UGT2B4: variants seen among roughly 807,000 people sequenced by gnomAD.
UGT2B4 encodes the protein UDP glucuronosyltransferase family 2 member B4, also known as UDP-glucuronosyltransferase 2B4.
Under a neutral mutation model 49.8 loss-of-function variants are expected in UGT2B4, and 49 were observed. The ratio of observed to expected loss-of-function variants is 0.98; its 90% confidence interval spans 0.78 to 1.25. UGT2B4 has a LOEUF of 1.25. Among genes scored for constraint, UGT2B4 ranks in the 50% most tolerant of loss-of-function variants. The pLI is 0.00. For missense variants in UGT2B4, 729 were observed against 627.7 expected, an observed-to-expected ratio of 1.16 and a Z score of -1.73; for synonymous variants, 246 against 217.7, an observed-to-expected ratio of 1.13 and a Z score of -1.14.
At chr4:69,488,888 G>A (rs1727872770) in intron 3 of UGT2B4, among the ~76,000 whole-genome samples, 1 of 151,926 alleles carries the variant, frequency 6.6e-6, no homozygotes, top group South Asian at 2.1e-4. Context: ...TGACAGCCTA[G>A]GCCTTCCTTT....
intron 3 of UGT2B4, among the ~76,000 whole-genome samples, chr4:69,488,721 A>G (rs911494344): frequency 6.6e-6 from 1 of 151,816 alleles, no homozygotes; most frequent in Admixed American, 6.6e-5. Context: ...GCCACATTTT[A>G]TACTACACAG....
At chr4:69,524,599 GCAAAA>G (rs1728929732) in intron 1 of UGT2B4, among the ~76,000 whole-genome samples, 1 of 151,848 alleles carries the variant, frequency 6.6e-6, no homozygotes, top group Non-Finnish European at 1.5e-5. Flanking sequence ...ATGAAAATTA[GCAAAA>G]TGTGTCACAA....
chr4:69,498,533 G>T (rs923065935), upstream of UGT2B4, among the ~76,000 whole-genome samples: 34 of 151,406 alleles, frequency 2.2e-4, no homozygotes, highest in African/African-American at 8.3e-4. Flanking sequence ...GATTGGTAGG[G>T]TATTTATTAC....
chr4:69,488,974 A>G (rs974361231), intron 3 of UGT2B4, among the ~76,000 whole-genome samples: 1 of 152,124 alleles, frequency 6.6e-6, no homozygotes, highest in Non-Finnish European at 1.5e-5. Context: ...GCTGGGTAAC[A>G]TGGCAACACT....
At chr4:69,494,927 T>A (rs1166095728) in intron 1 of UGT2B4, among the ~76,000 whole-genome samples, 1 of 152,058 alleles carries the variant, frequency 6.6e-6, no homozygotes, top group Non-Finnish European at 1.5e-5. Context: ...CTTCCTGGAG[T>A]CTTCTGTATG....
chr4:69,485,450 A>G, intron 4 of UGT2B4, 23 bp from the exon 5 acceptor site: 1 of 1,612,448 alleles, frequency 6.2e-7, no homozygotes, highest in Non-Finnish European at 8.5e-7. Context: ...GAATTTTAGC[A>G]AAATTATTCA....
chr4:69,492,955 T>A (rs541551569), intron 2 of UGT2B4, among the ~76,000 whole-genome samples: 1 of 152,092 alleles, frequency 6.6e-6, no homozygotes, highest in East Asian at 1.9e-4. Context: ...TATAATCTTA[T>A]CCCATATTTT....
intron 5 of UGT2B4, among the ~76,000 whole-genome samples, chr4:69,483,000 A>G (rs1380665922): frequency 6.6e-6 from 1 of 152,248 alleles, no homozygotes. Context: ...CAATTTCTGG[A>G]CACTATTAAT....
chr4:69,508,307 C>T (rs1728524717), intron 1 of UGT2B4, among the ~76,000 whole-genome samples: 2 of 151,996 alleles, frequency 1.3e-5, no homozygotes, highest in African/African-American at 4.8e-5. Context: ...TCCTCAAAGG[C>T]CTAAAGACAG....
upstream of UGT2B4, among the ~76,000 whole-genome samples, chr4:69,499,744 C>T (rs1047545614): frequency 1.3e-5 from 2 of 152,064 alleles, no homozygotes; most frequent in Non-Finnish European, 2.9e-5. Flanking sequence ...TTATTTTGAG[C>T]CTATGTGTGT....
upstream of UGT2B4, among the ~76,000 whole-genome samples, chr4:69,500,046 T>C (rs964867808): frequency 1.3e-5 from 2 of 152,162 alleles, no homozygotes; most frequent in African/African-American, 4.8e-5. Flanking sequence ...ACATATACAC[T>C]GTGGAATACT....
upstream of UGT2B4, among the ~76,000 whole-genome samples, chr4:69,496,432 G>C (rs1187520021): frequency 1.3e-5 from 2 of 152,196 alleles, no homozygotes; most frequent in Non-Finnish European, 2.9e-5. Flanking sequence ...GTAGCAGTGA[G>C]AGGCTCATGT....
Position 69,495,462 on chromosome 4 carries a change from TA to T in UGT2B4, c.399del (p.Asn133LysfsTer5), listed in dbSNP as rs1219169886. On this transcript the variant is annotated frameshift_variant, in exon 1 of 6. Coordinates refer to ENST00000305107, the MANE Select transcript of UGT2B4 (RefSeq NM_021139.3). LOFTEE classifies it high-confidence loss of function. ...TCCTGTAGTTTCTTCATAAGTTTCT[TA>T]TTTGAAACTATATCCTTACAGAACT... ...LRKFCKDIVS[N>X]KKLMKKLQES... 1.9e-6 allele frequency: 3 copies of T among 1,613,006 alleles called. No homozygotes were observed. The South Asian group carries it at 3.3e-5, about 18-fold the overall frequency.
chr4:69,520,697 A>T (rs1450223595), intron 1 of UGT2B4, among the ~76,000 whole-genome samples: 1 of 130,224 alleles, frequency 7.7e-6, no homozygotes, highest in Non-Finnish European at 1.9e-5. Context: ...CCCCCTCCAG[A>T]CTTTGAGCAC....
In UGT2B4 at chr4:69,480,538, A is replaced by G. The variant is rs1441051843; in HGVS notation, c.*96T>C. On this transcript the variant is annotated 3_prime_UTR_variant, in exon 6 of 6. Coordinates refer to ENST00000305107, the MANE Select transcript of UGT2B4 (RefSeq NM_021139.3). ...AAGTTTTGAAAGATGTTTTGTCACA[A>G]GAAGAAAGGAATCTCTTGTATCACA... The G allele has an allele frequency of 1.3e-6, 2 of 1,506,242 alleles. No homozygotes were observed. The highest frequency in any genetic ancestry group is 2.3e-5 in the East Asian group (1 of 43,876). The allele number at this position is 1,506,242 out of a possible 1,614,324, so 93.3% of individuals were successfully genotyped here.
intron 1 of UGT2B4, chr4:69,517,974 T>A (rs1728770085): frequency 6.5e-6 from 1 of 154,622 alleles, no homozygotes; most frequent in Non-Finnish European, 1.5e-5. Context: ...TTTAGTTGGG[T>A]TCCTCTTGCA....
rs186204730 is a variant in UGT2B4 at position 69,495,713 on chromosome 4, C to T, written c.149G>A (p.Gly50Asp). The change falls in exon 1 of 6, where the codon GGT becomes GAT. Residue 50 changes from glycine (G) to aspartate (D), a missense_variant. Transcript: ENST00000305107. ...AGATGCCAATACAGTCACCTCATGA[C>T]CTCTCTGGACAAGTTCATCCAGGAT... is the stretch of plus-strand genomic sequence containing the variant. ...KTILDELVQRGHEVTVLASSA... is the reference protein window; with the variant it reads ...KTILDELVQRDHEVTVLASSA... 523 of 1,614,054 alleles carry T rather than the reference C, an allele frequency of 3.2e-4. 3 individuals are homozygous for T. Among genetic ancestry groups the T allele is most frequent in the South Asian group, 1.6e-3 (148 of 91,082 alleles).
chr4:69,480,603 T>A lies in UGT2B4; in HGVS notation c.*31A>T. On this transcript the variant is annotated 3_prime_UTR_variant, in exon 6 of 6. Transcript: ENST00000305107. ...TAATAAACTAAAGGAGTTCATTTAT[T>A]GGGTTTCCCAGCTTCCAGCCTCAGA... is the stretch of plus-strand genomic sequence containing the variant. 1 of 1,603,150 alleles carries A rather than the reference T, an allele frequency of 6.2e-7. No homozygotes were observed. The highest frequency in any genetic ancestry group is 8.5e-7 in the Non-Finnish European group (1 of 1,173,918).
chr4:69,499,002 T>C (rs1167989512), upstream of UGT2B4, among the ~76,000 whole-genome samples: 1 of 152,160 alleles, frequency 6.6e-6, no homozygotes, highest in Non-Finnish European at 1.5e-5. Flanking sequence ...GGGAATTTAG[T>C]CCTTTAAATT....
Sources: gnomAD v4.1 joint callset for allele counts (sites outside exome capture counted in the v4.1 genomes callset) on GRCh38, gnomAD v4.1.1 for gene constraint, MANE v1.5 for transcripts, NCBI Gene and HGNC (gene_info 2026-07-23, HGNC 2026-07-21) for gene names.